Variants in CARMIL1 observed in about 807,000 individuals in gnomAD.
CARMIL1 encodes the protein F-actin-uncapping protein LRRC16A.
A neutral mutation model predicts 177.1 loss-of-function variants in CARMIL1; 90 were observed. The ratio of observed to expected loss-of-function variants is 0.51; its 90% CI spans 0.43 to 0.61. The LOEUF (loss-of-function observed/expected upper bound fraction) is 0.61, where lower values mean the gene tolerates loss of function less well. CARMIL1 is among the 20% of genes least tolerant of loss of function. The pLI, the probability that CARMIL1 is intolerant of heterozygous loss-of-function variation, is 0.00. For synonymous variants in CARMIL1, 577 were observed against 606.2 expected, an observed-to-expected ratio of 0.95 and a Z score of 0.71; for missense variants, 1,380 against 1,667.0, an observed-to-expected ratio of 0.83 and a Z score of 3.00.
intron 1 of CARMIL1, among the ~76,000 whole-genome samples, chr6:25,283,624 A>C (rs185822201): frequency 6.6e-6 from 1 of 151,904 alleles, no homozygotes; most frequent in African/African-American, 2.4e-5. Flanking sequence ...GCCTTTGACC[A>C]CTTCTTGGGG....
At chr6:25,387,642 T>G (rs937825200) in intron 2 of CARMIL1, among the ~76,000 whole-genome samples, 1 of 152,210 alleles carries the variant, frequency 6.6e-6, no homozygotes, top group African/African-American at 2.4e-5. Flanking sequence ...TTCAATTCAG[T>G]GAGCCATTCA....
At chr6:25,495,498 T>C (rs1437356661) in intron 16 of CARMIL1, among the ~76,000 whole-genome samples, 1 of 152,008 alleles carries the variant, frequency 6.6e-6, no homozygotes, top group Non-Finnish European at 1.5e-5. Flanking sequence ...TGCTTTTATA[T>C]TAACCTCTGT....
At chr6:25,290,334 A>G (rs933117774) in intron 2 of CARMIL1, among the ~76,000 whole-genome samples, 7 of 150,362 alleles carry the variant, frequency 4.7e-5, no homozygotes, top group East Asian at 1.9e-4. Context: ...GGTTCAAGCA[A>G]GCTTTCTGCC....
At chr6:25,374,427 C>G (rs1380337138) in intron 2 of CARMIL1, among the ~76,000 whole-genome samples, 1 of 152,104 alleles carries the variant, frequency 6.6e-6, no homozygotes, top group African/African-American at 2.4e-5. Context: ...TTTATCAAGG[C>G]TTGTTTTGTG....
Position 25,500,332 on chromosome 6 carries a change from G to C in CARMIL1, c.1395+97G>C, listed in dbSNP as rs929847219. The C allele has an allele frequency of 4.1e-6, 4 of 985,478 alleles. No individual in the cohort carries two copies. In the African/African-American group the frequency reaches 6.5e-5, roughly 16 times the overall value. The allele number at this position is 985,478 out of a possible 1,614,324, so 61.0% of individuals were successfully genotyped here. A position where few individuals can be genotyped will look rare whatever the true frequency, so the allele number is the denominator to read the frequency against. ...ATTTGATACTGTGATTCCACAGGGTGTAAATGAAGCAGAAAAATAAATTAT... is the reference window on the plus strand; with the variant it reads ...ATTTGATACTGTGATTCCACAGGGTCTAAATGAAGCAGAAAAATAAATTAT... On this transcript the variant is annotated intron_variant, in intron 17 of 36. Coordinates refer to ENST00000329474, the MANE Select transcript of CARMIL1 (RefSeq NM_017640.6).
At chr6:25,424,868 A>G (rs1445561591) in intron 3 of CARMIL1, among the ~76,000 whole-genome samples, 1 of 152,170 alleles carries the variant, frequency 6.6e-6, no homozygotes, top group African/African-American at 2.4e-5. Flanking sequence ...TGGAAGCCAT[A>G]CTTGTGAGTA....
chr6:25,407,712 G>A (rs1446626172), intron 2 of CARMIL1, among the ~76,000 whole-genome samples: 1 of 152,120 alleles, frequency 6.6e-6, no homozygotes, highest in African/African-American at 2.4e-5. Context: ...GAACACGAAG[G>A]CTAAGGACAT....
intron 5 of CARMIL1, among the ~76,000 whole-genome samples, chr6:25,439,212 T>G (rs1425992382): frequency 6.6e-6 from 1 of 152,042 alleles, no homozygotes; most frequent in African/African-American, 2.4e-5. Context: ...GCCATTCTGT[T>G]TTAGGCATGT....
chr6:25,609,942 T>G, intron 35 of CARMIL1, 108 bp from the exon 36 acceptor site: 1 of 1,278,282 alleles, frequency 7.8e-7, no homozygotes, highest in Non-Finnish European at 1.1e-6. Flanking sequence ...AATTCTATGA[T>G]GCTTTATTTT....
intron 4 of CARMIL1, among the ~76,000 whole-genome samples, chr6:25,431,645 C>T (rs897514793): frequency 2.0e-5 from 3 of 151,550 alleles, no homozygotes. Flanking sequence ...AGGTTATGTT[C>T]GAAATATGAT....
chr6:25,608,103 G>A (rs1396333067), intron 35 of CARMIL1, among the ~76,000 whole-genome samples: 1 of 152,096 alleles, frequency 6.6e-6, no homozygotes, highest in Admixed American at 6.5e-5. Flanking sequence ...TCATCAGCTG[G>A]GTGTGTCTCT....
chr6:25,392,207 T>A (rs77542693), intron 2 of CARMIL1, among the ~76,000 whole-genome samples: 1,974 of 152,014 alleles, frequency 0.013, 71 homozygotes, highest in East Asian at 0.13. Context: ...GAATTGCAGG[T>A]TATTGCAGTT....
intron 2 of CARMIL1, among the ~76,000 whole-genome samples, chr6:25,351,860 GA>G (rs139056252): frequency 0.039 from 5,900 of 150,070 alleles, 151 homozygotes; most frequent in Middle Eastern, 0.1. Context: ...CTGACAATAT[GA>G]AAAAAAAAAT....
At chr6:25,409,526 A>T (rs964076003) in intron 2 of CARMIL1, among the ~76,000 whole-genome samples, 1 of 151,390 alleles carries the variant, frequency 6.6e-6, no homozygotes, top group African/African-American at 2.5e-5. Flanking sequence ...GGCAAAGCTG[A>T]GATTTCGCCT....
chr6:25,569,269 G>A (rs1196313550), intron 29 of CARMIL1, among the ~76,000 whole-genome samples: 1 of 152,184 alleles, frequency 6.6e-6, no homozygotes, highest in African/African-American at 2.4e-5. Flanking sequence ...TTGATTAAAA[G>A]GAGTTAAACT....
At chr6:25,538,015 G>A in intron 25 of CARMIL1, 32 bp downstream of exon 25, 2 of 1,556,122 alleles carry the variant, frequency 1.3e-6, no homozygotes, top group Non-Finnish European at 8.7e-7. Context: ...GTGAGAGTCT[G>A]GTATAATAAA....
At chr6:25,445,768 G>A (rs1798175878) in intron 5 of CARMIL1, among the ~76,000 whole-genome samples, 1 of 150,912 alleles carries the variant, frequency 6.6e-6, no homozygotes, top group South Asian at 2.1e-4. Context: ...TCGATCTCCT[G>A]ACCTCGTGAT....
At chr6:25,338,551 CT>C (rs34070479) in intron 2 of CARMIL1, among the ~76,000 whole-genome samples, 59,418 of 141,328 alleles carry the variant, frequency 0.42, 11,805 homozygotes, top group Non-Finnish European at 0.48. Context: ...GCTGGTCCTA[CT>C]TTTTTTTTTT....
chr6:25,529,657 A>AT lies in CARMIL1; in HGVS notation c.2067+764_2067+765insT, dbSNP rs1291287915. Among the ~76,000 whole-genome samples the AT allele has an allele frequency of 1.6e-3, 153 of 94,638 alleles. 7 individuals carry two copies. Among genetic ancestry groups the AT allele is most frequent in the South Asian group, 3.3e-3 (9 of 2,698 alleles). The allele number at this position is 94,638 out of a possible 152,430, so 62.1% of individuals were successfully genotyped here. On this transcript the variant is annotated intron_variant, in intron 24 of 36. Transcript: ENST00000329474. ...ATCCATAAAATAAGAATAGGCTGCT[A>AT]GAATGGCGTGAACCCGGGAAGCGGA...
Sources: gnomAD v4.1 joint callset for allele counts (sites outside exome capture counted in the v4.1 genomes callset) on GRCh38, gnomAD v4.1.1 for gene constraint, MANE v1.5 for transcripts, NCBI Gene and HGNC (gene_info 2026-07-23, HGNC 2026-07-21) for gene names.